BANP: variants seen among roughly 807,000 people sequenced by gnomAD.
BANP encodes BTG3 associated nuclear protein.
In BANP, 11 loss-of-function variants were observed where a neutral mutation model predicts 68.1. The observed-to-expected ratio is 0.16, with a 90% CI of 0.10 to 0.27. The LOEUF (loss-of-function observed/expected upper bound fraction) is 0.27. Ranked by LOEUF, BANP falls within the 10% of genes least tolerant of loss-of-function variation. The pLI is 1.00. For missense variants in BANP, 504 were observed against 722.7 expected, an observed-to-expected ratio of 0.70 and a Z score of 3.47; for synonymous variants, 329 against 303.2, an observed-to-expected ratio of 1.09 and a Z score of -0.88.
intron 11 of BANP, among the ~76,000 whole-genome samples, chr16:88,060,825 C>A (rs1022837919): frequency 6.6e-6 from 1 of 152,276 alleles, no homozygotes; most frequent in African/African-American, 2.4e-5. Flanking sequence ...GCAGATACAT[C>A]CTTATTTTCT....
chr16:87,968,358 C>T (rs1354827393), intron 1 of BANP, among the ~76,000 whole-genome samples: 1 of 151,862 alleles, frequency 6.6e-6, no homozygotes, highest in Non-Finnish European at 1.5e-5. Flanking sequence ...GTGGTGTGCA[C>T]CTGTAGTCTT....
intron 1 of BANP, among the ~76,000 whole-genome samples, chr16:87,959,525 G>C (rs2058714901): frequency 1.3e-5 from 2 of 152,240 alleles, no homozygotes; most frequent in Non-Finnish European, 2.9e-5. Flanking sequence ...GGCTGACCAG[G>C]CTTGGTACTA....
chr16:88,044,613 C>G (rs547601137), intron 11 of BANP, among the ~76,000 whole-genome samples: 10 of 152,268 alleles, frequency 6.6e-5, no homozygotes, highest in African/African-American at 1.7e-4. Flanking sequence ...GTTTGTAGTT[C>G]TAAAAGTTGT....
At chr16:88,009,649 C>CA (rs1364848789) in intron 6 of BANP, among the ~76,000 whole-genome samples, 1 of 151,910 alleles carries the variant, frequency 6.6e-6, no homozygotes, top group East Asian at 1.9e-4. Flanking sequence ...ATAAGAAGGA[C>CA]GGTAGCTCCT....
chr16:87,973,055 G>A (rs915908859), intron 1 of BANP, among the ~76,000 whole-genome samples: 2 of 151,962 alleles, frequency 1.3e-5, no homozygotes, highest in Non-Finnish European at 2.9e-5. Context: ...GGGTTCTTGA[G>A]GAATATGCTG....
intron 1 of BANP, among the ~76,000 whole-genome samples, chr16:87,967,204 C>T (rs553274182): frequency 6.7e-6 from 1 of 150,346 alleles, no homozygotes; most frequent in Non-Finnish European, 1.5e-5. Flanking sequence ...AGGGGAGCCT[C>T]AGAAACTTTG....
chr16:87,971,561 T>C (rs11647008), intron 1 of BANP, among the ~76,000 whole-genome samples: 51,914 of 150,380 alleles, frequency 0.35, 10,272 homozygotes, highest in Non-Finnish European at 0.47. Context: ...ACCTAGTCTT[T>C]TGCTTGGATG....
At chr16:87,990,090 C>T (rs2065544772) in intron 4 of BANP, among the ~76,000 whole-genome samples, 1 of 152,242 alleles carries the variant, frequency 6.6e-6, no homozygotes, top group South Asian at 2.1e-4. Context: ...GCTTTGTTTT[C>T]ATTAACTGAA....
Position 88,064,161 on chromosome 16 carries a change from G to A in BANP, c.1312-1106G>A, listed in dbSNP as rs980301587. Among the ~76,000 whole-genome samples, 5 of 151,556 alleles carry A rather than the reference G, an allele frequency of 3.3e-5. No homozygotes were observed. Among genetic ancestry groups the A allele is most frequent in the African/African-American group, 9.7e-5 (4 of 41,172 alleles). The stretch of plus-strand genomic sequence containing the variant: ...GCTCTCTTCAGAGACGGCAGAGCAC[G>A]AGGCTGGGGCAGGAGGTGTCGGGGG... On this transcript the variant is annotated intron_variant, in intron 11 of 13. Coordinates refer to ENST00000682872, the MANE Select transcript of BANP (RefSeq NM_001386991.1). This position sits in a 1 kb window ranked among gnomAD's most constrained non-coding sequence, Gnocchi z 4.5.
intron 4 of BANP, among the ~76,000 whole-genome samples, chr16:87,991,864 T>C (rs1170220543): frequency 1.3e-5 from 2 of 152,248 alleles, no homozygotes; most frequent in Admixed American, 6.5e-5. Context: ...CTATACCTTC[T>C]CTTACTTTAA....
chr16:87,966,955 C>T (rs1275711830), intron 1 of BANP: 1 of 152,382 alleles, frequency 6.6e-6, no homozygotes, highest in Non-Finnish European at 1.5e-5. Flanking sequence ...GGGCTTTGCT[C>T]CTCCGCGCCA....
intron 3 of BANP, among the ~76,000 whole-genome samples, chr16:87,982,990 G>A (rs186683387): frequency 5.9e-5 from 9 of 152,048 alleles, no homozygotes; most frequent in Non-Finnish European, 1.2e-4. Context: ...AATGTGGGCC[G>A]GCCTCCCGCT....
intron 11 of BANP, among the ~76,000 whole-genome samples, chr16:88,052,447 A>T (rs552914516): frequency 3.7e-4 from 56 of 152,218 alleles, no homozygotes; most frequent in African/African-American, 1.3e-3. Flanking sequence ...GACAGTAGAC[A>T]GGAGCTTTTC....
At chr16:88,075,742 TTTAC>T (rs1205804489) in intron 13 of BANP, among the ~76,000 whole-genome samples, 2 of 136,134 alleles carry the variant, frequency 1.5e-5, no homozygotes, top group African/African-American at 5.5e-5. Flanking sequence ...ATGTTTTTCC[TTTAC>T]TTTTTTTTTT....
intron 11 of BANP, among the ~76,000 whole-genome samples, chr16:88,051,143 T>G (rs1044209007): frequency 6.6e-6 from 1 of 152,196 alleles, no homozygotes; most frequent in Non-Finnish European, 1.5e-5. Context: ...TCCCGTGTAG[T>G]GGCGGGCCTC....
chr16:88,015,482 C>T (rs1383801226), intron 6 of BANP, among the ~76,000 whole-genome samples: 3 of 152,268 alleles, frequency 2.0e-5, no homozygotes, highest in Admixed American at 1.3e-4. Context: ...GCTCTGGCCA[C>T]GCTGGTTCCC....
chr16:87,966,412 A>G (rs538807137), intron 1 of BANP, among the ~76,000 whole-genome samples: 65 of 152,332 alleles, frequency 4.3e-4, no homozygotes, highest in Non-Finnish European at 7.6e-4. Flanking sequence ...ACTTCTGAGA[A>G]ATGGCAAATT....
At chr16:88,068,304 C>T (rs1179852777) in intron 12 of BANP, among the ~76,000 whole-genome samples, 6 of 152,220 alleles carry the variant, frequency 3.9e-5, no homozygotes, top group Admixed American at 3.9e-4. Flanking sequence ...CTTGGGCGTG[C>T]GCCAGGGTCC....
At chr16:87,993,466 T>A (rs991139518) in intron 4 of BANP, among the ~76,000 whole-genome samples, 1 of 152,256 alleles carries the variant, frequency 6.6e-6, no homozygotes, top group African/African-American at 2.4e-5. Flanking sequence ...GGTTAGAATC[T>A]AGTTCTGCTT....
Sources: gnomAD v4.1 joint callset for allele counts (sites outside exome capture counted in the v4.1 genomes callset) on GRCh38, gnomAD v4.1.1 for gene constraint, Gnocchi (gnomAD v3.1) non-coding constraint, MANE v1.5 for transcripts, NCBI Gene and HGNC (gene_info 2026-07-23, HGNC 2026-07-21) for gene names.